The following TENM1 variants were observed in gnomAD, a reference collection of about 807,000 sequenced individuals.
TENM1 encodes the protein teneurin transmembrane protein 1, also known as teneurin-1.
A neutral mutation model predicts 174.8 loss-of-function variants in TENM1; 35 were observed. That is an observed-to-expected ratio of 0.20 (90% CI 0.15 to 0.27). The LOEUF is 0.27. Ranked by LOEUF, TENM1 falls within the 10% of genes least tolerant of loss-of-function variation. The probability of loss-of-function intolerance (pLI) is 1.00; values close to 1 mark genes in which losing one functional copy is unlikely to be tolerated. For missense variants in TENM1, 1,633 were observed against 2,130.1 expected, an observed-to-expected ratio of 0.77 and a Z score of 4.59; for synonymous variants, 781 against 798.7, an observed-to-expected ratio of 0.98 and a Z score of 0.37.
chrX:124,834,807 C>A lies in TENM1; in HGVS notation c.535+59489G>T, dbSNP rs1189421728. Among the ~76,000 whole-genome samples, 5 of 112,223 alleles carry A rather than the reference C, an allele frequency of 4.5e-5. No individual in the cohort carries two copies. In the East Asian group the frequency reaches 1.4e-3, roughly 31 times the overall value. On this transcript the variant is annotated intron_variant, in intron 3 of 31. Transcript: ENST00000422452. ...TTTCATCTTCCACAATTTTAGTAAA[C>A]CAATATTTCTCATTTGAGCCAATGA... is the stretch of plus-strand genomic sequence containing the variant.
chrX:124,641,468 A>T (rs1444300131), intron 11 of TENM1, among the ~76,000 whole-genome samples: 1 of 111,876 alleles, frequency 8.9e-6, no homozygotes, highest in Non-Finnish European at 1.9e-5. Flanking sequence ...ATGCCAGATT[A>T]TTTGAGTTTG....
At chrX:124,652,788 T>C (rs1161046915) in intron 7 of TENM1, among the ~76,000 whole-genome samples, 1 of 112,421 alleles carries the variant, frequency 8.9e-6, no homozygotes, top group East Asian at 2.8e-4. Flanking sequence ...TCTAATCAGT[T>C]GACAAGGACC....
At chrX:125,073,205 G>T in the TENM1 span, among the ~76,000 whole-genome samples, 1 of 111,181 alleles carries the variant, frequency 9.0e-6, no homozygotes, top group Non-Finnish European at 1.9e-5. Flanking sequence ...AGAAAAGCAA[G>T]CAATATGAAG....
intron 10 of TENM1, among the ~76,000 whole-genome samples, 178 bp downstream of exon 13, chrX:124,644,965 G>T (rs878884824): frequency 1.8e-5 from 2 of 111,237 alleles, no homozygotes; most frequent in South Asian, 7.6e-4. Flanking sequence ...TATAACATTA[G>T]AATCTGTCAG....
At chrX:125,079,403 G>T in the TENM1 span, among the ~76,000 whole-genome samples, 377 of 111,511 alleles carry the variant, frequency 3.4e-3, 3 homozygotes, top group African/African-American at 0.012. Context: ...CTTGAAGAAG[G>T]AATAATTTTG....
the TENM1 span, among the ~76,000 whole-genome samples, chrX:125,137,883 G>C: frequency 9.0e-6 from 1 of 111,620 alleles, no homozygotes; most frequent in South Asian, 3.8e-4. Flanking sequence ...TGTAAGGGAA[G>C]GTTATTAAGG....
intron 3 of TENM1, among the ~76,000 whole-genome samples, chrX:124,776,560 T>G (rs1409733668): frequency 8.9e-6 from 1 of 112,228 alleles, no homozygotes; most frequent in Non-Finnish European, 1.9e-5. Context: ...ATAAACCTTT[T>G]CGATGAATAT....
chrX:124,871,662 T>C (rs1033348273), intron 3 of TENM1, among the ~76,000 whole-genome samples: 5 of 111,686 alleles, frequency 4.5e-5, no homozygotes, highest in Non-Finnish European at 7.5e-5. Context: ...GTGTATTAGA[T>C]GGTTTAAGCC....
At chrX:124,588,023 TA>T (rs923487009) in intron 11 of TENM1, among the ~76,000 whole-genome samples, 4 of 111,831 alleles carry the variant, frequency 3.6e-5, no homozygotes, top group African/African-American at 1.3e-4. Flanking sequence ...TGGCAATCAC[TA>T]AAAAGTCAGG....
chrX:124,758,969 CAT>C (rs920655987), intron 3 of TENM1, among the ~76,000 whole-genome samples: 35 of 111,481 alleles, frequency 3.1e-4, no homozygotes, highest in African/African-American at 1.1e-3. Flanking sequence ...AAAATGTACA[CAT>C]AGTTAACACT....
chrX:124,687,915 T>A (rs1343501356), intron 5 of TENM1, among the ~76,000 whole-genome samples: 1 of 112,124 alleles, frequency 8.9e-6, no homozygotes, highest in Non-Finnish European at 1.9e-5. Flanking sequence ...GTAGAGAAAG[T>A]AGGGAGCTGA....
At chrX:125,160,544 CAAAAAAAAA>C in the TENM1 span, among the ~76,000 whole-genome samples, 1 of 28,999 alleles carries the variant, frequency 3.4e-5, no homozygotes, top group African/African-American at 1.9e-4. Flanking sequence ...GACCCCGTCT[CAAAAAAAAA>C]AAAAAAAAAA....
chrX:124,757,587 G>A (rs934398429), intron 3 of TENM1, among the ~76,000 whole-genome samples: 12 of 112,405 alleles, frequency 1.1e-4, no homozygotes, highest in Non-Finnish European at 1.7e-4. Context: ...CTTCTGCGTC[G>A]CTCACGCTGG....
intron 1 of TENM1, among the ~76,000 whole-genome samples, chrX:124,953,047 G>T (rs1435756362): frequency 8.9e-6 from 1 of 111,774 alleles, no homozygotes; most frequent in African/African-American, 3.2e-5. Flanking sequence ...AAAATAAACA[G>T]AACTTATTTG....
At chrX:125,004,647 T>C in the TENM1 span, among the ~76,000 whole-genome samples, 69 of 112,146 alleles carry the variant, frequency 6.2e-4, no homozygotes, top group Non-Finnish European at 1.1e-3. Context: ...AATAGCAGAA[T>C]AAACACACAT....
chrX:124,671,533 A>G, intron 6 of TENM1, 150 bp downstream of exon 9: 1 of 532,586 alleles, frequency 1.9e-6, no homozygotes, highest in Non-Finnish European at 2.8e-6. Flanking sequence ...TTGCTTTCAC[A>G]AGATATTTAC....
the TENM1 span, among the ~76,000 whole-genome samples, chrX:125,123,988 T>C: frequency 9.9e-3 from 1,111 of 112,574 alleles, 17 homozygotes; most frequent in African/African-American, 0.033. Context: ...GCTGGTGTGA[T>C]GCTGGAGAAG....
rs1385975944 is a variant in TENM1 at position 124,578,559 on chromosome X, A to AT, written c.2078-13000dup. ...GTTGGTACAAGGAACAAATGAGTCA[A>AT]TATATGTAAAGTGCTTACATATATT... On this transcript the variant is annotated intron_variant, in intron 11 of 31. Coordinates refer to ENST00000422452, the Ensembl canonical transcript of TENM1. Among the ~76,000 whole-genome samples the AT allele has an allele frequency of 2.7e-5, 3 of 111,958 alleles. No individual in the cohort carries two copies. The East Asian group carries it at 8.4e-4, about 32-fold the overall frequency.
chrX:124,696,745 A>T (rs765006266), intron 5 of TENM1, among the ~76,000 whole-genome samples: 1 of 111,907 alleles, frequency 8.9e-6, no homozygotes, highest in East Asian at 2.8e-4. Flanking sequence ...ATCTACGCTT[A>T]ATTAAAATTA....
Sources: gnomAD v4.1 joint callset for allele counts (sites outside exome capture counted in the v4.1 genomes callset) on GRCh38, gnomAD v4.1.1 for gene constraint, MANE v1.5 for transcripts, NCBI Gene and HGNC (gene_info 2026-07-23, HGNC 2026-07-21) for gene names.